VAV3: variants seen among roughly 807,000 people sequenced by gnomAD.
VAV3 encodes the protein vav guanine nucleotide exchange factor 3.
Under a neutral mutation model 131.2 loss-of-function variants are expected in VAV3, and 94 were observed. The observed-to-expected ratio is 0.72, with a 90% CI of 0.61 to 0.85. VAV3 has a LOEUF of 0.85. Among genes scored for constraint, VAV3 ranks in the 40% least tolerant of loss-of-function variants. The pLI is 0.00. For synonymous variants in VAV3, 349 were observed against 342.0 expected, an observed-to-expected ratio of 1.02 and a Z score of -0.22; for missense variants, 939 against 1,002.7, an observed-to-expected ratio of 0.94 and a Z score of 0.86.
At chr1:107,692,990 T>TG (rs1218246888) in intron 17 of VAV3, among the ~76,000 whole-genome samples, 2 of 151,824 alleles carry the variant, frequency 1.3e-5, no homozygotes, top group East Asian at 1.9e-4. Context: ...TGTAGTGTAG[T>TG]GGGGGGAAAA....
intron 1 of VAV3, among the ~76,000 whole-genome samples, chr1:107,942,307 G>A (rs1227724975): frequency 2.0e-5 from 3 of 152,144 alleles, no homozygotes; most frequent in Admixed American, 2.0e-4. Flanking sequence ...ATCCCACAGC[G>A]AGAAGACAGC....
At chr1:107,656,677 T>C (rs898247134) in intron 19 of VAV3, among the ~76,000 whole-genome samples, 3 of 152,138 alleles carry the variant, frequency 2.0e-5, no homozygotes, top group Non-Finnish European at 4.4e-5. Flanking sequence ...CTGATGTGAC[T>C]ATATCAGTGT....
intron 12 of VAV3, among the ~76,000 whole-genome samples, chr1:107,751,530 C>T (rs190648680): frequency 6.6e-6 from 1 of 152,268 alleles, no homozygotes; most frequent in East Asian, 1.9e-4. Context: ...TGAGCATCTA[C>T]TACGTGCCAA....
chr1:107,963,744 G>GT (rs869186914), intron 1 of VAV3: 1 of 148,756 alleles, frequency 6.7e-6, no homozygotes, highest in East Asian at 2.0e-4. Context: ...AAGCAGTTTG[G>GT]TTTTTTGTTT....
intron 2 of VAV3, among the ~76,000 whole-genome samples, chr1:107,827,210 A>G (rs1052254658): frequency 3.9e-5 from 6 of 152,198 alleles, no homozygotes; most frequent in African/African-American, 1.4e-4. Context: ...AGACAGAGGT[A>G]ACATGAAAGA....
chr1:107,668,961 T>C, intron 19 of VAV3: 1 of 990,734 alleles, frequency 1.0e-6, no homozygotes, highest in Non-Finnish European at 1.2e-6. Context: ...CTTCAACTCT[T>C]TCGCGATACG....
intron 20 of VAV3, among the ~76,000 whole-genome samples, chr1:107,624,454 A>C (rs372490972): frequency 1.5e-5 from 2 of 133,894 alleles, no homozygotes; most frequent in Non-Finnish European, 3.3e-5. Context: ...GAAAAAAAAA[A>C]TTTGGCAACA....
rs559521370 is a variant in VAV3, at chr1:107,754,291, G to A, written c.1173+1136C>T. 2.6e-5 allele frequency among the ~76,000 whole-genome samples: 4 copies of A among 152,306 alleles called. No homozygotes were observed. The East Asian group carries it at 7.7e-4, about 29-fold the overall frequency. On this transcript the variant is annotated intron_variant, in intron 12 of 26. Coordinates refer to ENST00000370056, the MANE Select transcript of VAV3 (RefSeq NM_006113.5). ...CCACATTTTGGAAATGCAACTATATGAAGAGATGATGAGAGGCTACTGTGA... is the reference window on the plus strand; with the variant it reads ...CCACATTTTGGAAATGCAACTATATAAAGAGATGATGAGAGGCTACTGTGA...
At position 107,603,168 on chromosome 1, in the gene VAV3, A is replaced by G. The variant is rs757390132; in HGVS notation, c.2016-5T>C. On this transcript the variant is annotated splice_polypyrimidine_tract_variant and splice_region_variant and intron_variant, in intron 22 of 26. Coordinates refer to ENST00000370056, the MANE Select transcript of VAV3 (RefSeq NM_006113.5). Reference sequence around the variant, plus strand: ...CTTTCCATTGCTCCAGCATACCTGTAAAAAACAATGACACAGAAAATTTGG... The same window carrying G: ...CTTTCCATTGCTCCAGCATACCTGTGAAAAACAATGACACAGAAAATTTGG... 7 of 1,609,940 alleles carry G rather than the reference A, an allele frequency of 4.3e-6. No individual in the cohort carries two copies. The highest frequency in any genetic ancestry group is 5.1e-6 in the Non-Finnish European group (6 of 1,177,136).
In VAV3 at chr1:107,765,140, T is replaced by C. The variant is rs1461652541; in HGVS notation, c.857A>G (p.Glu286Gly). ...GTAGTCTAAACTAGAGATGGCTGAC[T>C]CCACTCCACTGCAGTACTGCCCGTA... is the stretch of plus-strand genomic sequence containing the variant. Reference protein sequence around the residue: ...VIYGQYCSGVESAISSLDYIS... With the variant: ...VIYGQYCSGVGSAISSLDYIS... The change falls in exon 9 of 27, where the codon GAG becomes GGG. Residue 286 changes from glutamate (E) to glycine (G), a missense_variant. Coordinates refer to ENST00000370056, the MANE Select transcript of VAV3 (RefSeq NM_006113.5). 2.5e-6 allele frequency: 4 copies of C among 1,613,282 alleles called. No homozygotes were observed. Among genetic ancestry groups the C allele is most frequent in the Non-Finnish European group, 3.4e-6 (4 of 1,179,548 alleles).
At chr1:107,938,121 C>T (rs1673810955) in intron 1 of VAV3, among the ~76,000 whole-genome samples, 1 of 152,098 alleles carries the variant, frequency 6.6e-6, no homozygotes, top group African/African-American at 2.4e-5. Context: ...GGACTCAGGG[C>T]TATAGGTATT....
Position 107,850,439 on chromosome 1 carries a change from G to A in VAV3, c.321+24462C>T, listed in dbSNP as rs190225998. Among the ~76,000 whole-genome samples, 83 of 152,208 alleles carry A rather than the reference G, an allele frequency of 5.5e-4. No individual in the cohort carries two copies. In the East Asian group the frequency reaches 0.016, roughly 29 times the overall value. On this transcript the variant is annotated intron_variant, in intron 2 of 26. Coordinates refer to ENST00000370056, the MANE Select transcript of VAV3 (RefSeq NM_006113.5). ...CTTTGCAGGGACATGGTTGAAGCTG[G>A]AAACCATCATTATCAGCAAACTAAC...
At chr1:107,614,400 C>T (rs1023675397) in intron 21 of VAV3, among the ~76,000 whole-genome samples, 2 of 151,944 alleles carry the variant, frequency 1.3e-5, no homozygotes, top group African/African-American at 4.8e-5. Flanking sequence ...AAAAGCAATA[C>T]CATTTTCTAA....
intron 19 of VAV3, among the ~76,000 whole-genome samples, chr1:107,683,097 T>C (rs1306553780): frequency 6.6e-6 from 1 of 152,176 alleles, no homozygotes; most frequent in Non-Finnish European, 1.5e-5. Context: ...GGAGGGTGGG[T>C]ACCAGTTGTC....
chr1:107,602,931 TTA>T, intron 23 of VAV3, 114 bp downstream of exon 23: 1 of 741,476 alleles, frequency 1.3e-6, no homozygotes, highest in Non-Finnish European at 2.3e-6. Context: ...GATAGATGCA[TTA>T]TTTCTCCTTC....
At chr1:107,645,099 A>C (rs1655642003) in intron 19 of VAV3, among the ~76,000 whole-genome samples, 1 of 151,842 alleles carries the variant, frequency 6.6e-6, no homozygotes, top group Non-Finnish European at 1.5e-5. Flanking sequence ...TTCATTTAAG[A>C]AGTTCACCTA....
chr1:107,670,562 GATTAATGAACTC>G, intron 19 of VAV3, among the ~76,000 whole-genome samples: 1 of 152,086 alleles, frequency 6.6e-6, no homozygotes, highest in East Asian at 1.9e-4. Context: ...CTTCGATGGT[GATTAATGAACTC>G]CTTTTGGGAG....
intron 21 of VAV3, among the ~76,000 whole-genome samples, chr1:107,617,268 G>A (rs1268080863): frequency 2.0e-5 from 3 of 152,130 alleles, no homozygotes; most frequent in African/African-American, 2.4e-5. Context: ...CAGTGGGAAA[G>A]GGGAAACCTG....
chr1:107,851,166 C>CCCCAGCTTGGGAGAAA (rs1364982019), intron 2 of VAV3, among the ~76,000 whole-genome samples: 1 of 131,438 alleles, frequency 7.6e-6, no homozygotes, highest in African/African-American at 3.1e-5. Flanking sequence ...AGTGAGACTC[C>CCCCAGCTTGGGAGAAA]GTCTCAAAAA....
Sources: allele counts gnomAD v4.1 joint callset (sites outside exome capture counted in the v4.1 genomes callset), GRCh38; gene constraint gnomAD v4.1.1; transcripts MANE v1.5; gene names NCBI Gene and HGNC (gene_info 2026-07-23, HGNC 2026-07-21).